THSD4: variants seen among roughly 807,000 people sequenced by gnomAD.
THSD4 encodes thrombospondin type 1 domain containing 4.
In THSD4, 69 loss-of-function variants were observed where a neutral mutation model predicts 119.0. The ratio of observed to expected loss-of-function variants is 0.58; its 90% CI spans 0.48 to 0.71. THSD4 has a LOEUF of 0.71. THSD4 is among the 30% of genes least tolerant of loss of function. The pLI is 0.00. For synonymous variants in THSD4, 524 were observed against 540.4 expected, an observed-to-expected ratio of 0.97 and a Z score of 0.42; for missense variants, 1,393 against 1,391.1, an observed-to-expected ratio of 1.00 and a Z score of -0.02.
chr15:71,188,356 T>C (rs2043633739), intron 3 of THSD4, among the ~76,000 whole-genome samples: 2 of 152,028 alleles, frequency 1.3e-5, no homozygotes, highest in Non-Finnish European at 2.9e-5. Flanking sequence ...AAGGGTCACC[T>C]AGATGGAGCT....
intron 3 of THSD4, among the ~76,000 whole-genome samples, chr15:71,213,356 T>C (rs2043903051): frequency 6.6e-6 from 1 of 152,246 alleles, no homozygotes; most frequent in Non-Finnish European, 1.5e-5. Flanking sequence ...AGATGAGCTA[T>C]GTAATCTGGC....
chr15:71,610,513 T>A (rs1354489109), intron 7 of THSD4, among the ~76,000 whole-genome samples: 2 of 152,158 alleles, frequency 1.3e-5, no homozygotes, highest in Admixed American at 6.5e-5. Context: ...GGGACTGCCC[T>A]TTCAGAAACA....
intron 7 of THSD4, among the ~76,000 whole-genome samples, chr15:71,439,008 C>T (rs1404329604): frequency 6.6e-6 from 1 of 152,116 alleles, no homozygotes; most frequent in African/African-American, 2.4e-5. Flanking sequence ...CCACGGTAGG[C>T]CAGATCAAGA....
At chr15:71,550,641 T>C (rs931890946) in intron 7 of THSD4, among the ~76,000 whole-genome samples, 5 of 152,102 alleles carry the variant, frequency 3.3e-5, no homozygotes, top group Admixed American at 3.3e-4. Context: ...GGGGTTTCAC[T>C]GTGTTAGCCA....
At chr15:71,130,056 T>C (rs548551215) in intron 1 of THSD4, among the ~76,000 whole-genome samples, 1 of 152,286 alleles carries the variant, frequency 6.6e-6, no homozygotes, top group South Asian at 2.1e-4. Flanking sequence ...GAGCACAACC[T>C]CACACCCTAC....
chr15:71,566,148 CTTTTTT>C (rs1567040065), intron 7 of THSD4, among the ~76,000 whole-genome samples: 3 of 45,328 alleles, frequency 6.6e-5, no homozygotes, highest in African/African-American at 1.8e-4. Flanking sequence ...TTTTCTTTTT[CTTTTTT>C]TCTTTTTTTT....
intron 7 of THSD4, among the ~76,000 whole-genome samples, chr15:71,448,357 G>A (rs984775880): frequency 2.6e-5 from 4 of 152,124 alleles, no homozygotes; most frequent in African/African-American, 4.8e-5. Flanking sequence ...GGAAACAACC[G>A]GTCCTTATCT....
chr15:71,436,606 T>C (rs1264173171), intron 7 of THSD4, among the ~76,000 whole-genome samples: 3 of 152,208 alleles, frequency 2.0e-5, no homozygotes, highest in Admixed American at 6.5e-5. Flanking sequence ...GCACCTCATC[T>C]GTAGGGACCA....
chr15:71,610,681 A>C (rs2050206418), intron 7 of THSD4, among the ~76,000 whole-genome samples: 1 of 152,198 alleles, frequency 6.6e-6, no homozygotes, highest in African/African-American at 2.4e-5. Context: ...ATACATACAT[A>C]CATATTTACT....
chr15:71,249,411 C>CATATAT lies in THSD4; in HGVS notation c.912+6327_912+6332dup, dbSNP rs371956679. ...TAGAAAGTTGTTCTCTTATTGACTT[C>CATATAT]ATATATATATATATATACACACACA... On this transcript the variant is annotated intron_variant, in intron 5 of 17. Coordinates refer to ENST00000261862, the MANE Select transcript of THSD4 (RefSeq NM_024817.3). Among the ~76,000 whole-genome samples the CATATAT allele has an allele frequency of 6.3e-3, 747 of 118,102 alleles. 21 individuals carry two copies. The highest frequency in any genetic ancestry group is 8.4e-3 in the Non-Finnish European group (467 of 55,302). The allele number at this position is 118,102 out of a possible 152,430, so 77.5% of individuals were successfully genotyped here. A position where few individuals can be genotyped will look rare whatever the true frequency, so the allele number is the denominator to read the frequency against.
At chr15:71,587,787 TAAAA>T (rs1207231444) in intron 7 of THSD4, among the ~76,000 whole-genome samples, 1 of 105,554 alleles carries the variant, frequency 9.5e-6, no homozygotes, top group Non-Finnish European at 1.9e-5. Flanking sequence ...AAAAAAAAAT[TAAAA>T]AAAAAAAAGA....
In THSD4 at chr15:71,141,564, A is replaced by G; in HGVS notation, c.29+8A>G. ...TTTCATGGGGTCTCTCAGGTAAGTG[A>G]AGAAACTTTTTTTAAAAAAACAGGA... On this transcript the variant is annotated splice_region_variant and intron_variant, in intron 2 of 17. Transcript: ENST00000261862. The G allele has an allele frequency of 6.2e-7, 1 of 1,606,314 alleles. No homozygotes were observed. Among genetic ancestry groups the G allele is most frequent in the South Asian group, 1.1e-5 (1 of 88,920 alleles).
chr15:71,119,319 A>T (rs1404280053), intron 1 of THSD4, among the ~76,000 whole-genome samples: 1 of 152,212 alleles, frequency 6.6e-6, no homozygotes, highest in Non-Finnish European at 1.5e-5. Flanking sequence ...GGGTGGAAGC[A>T]GGGCTCGAGA....
Position 71,181,214 on chromosome 15 carries a change from G to T in THSD4, c.99+26282G>T, listed in dbSNP as rs545669924. Among the ~76,000 whole-genome samples, 163 of 152,264 alleles carry T rather than the reference G, an allele frequency of 1.1e-3. 1 individual carries two copies. The highest frequency in any genetic ancestry group is 3.8e-3 in the African/African-American group (156 of 41,538). On this transcript the variant is annotated intron_variant, in intron 3 of 17. Transcript: ENST00000261862. ...CGTTTCTAATGGCATAAATATAACT[G>T]ACTGCTGCTGAAAAATTAAGAGCAT...
intron 7 of THSD4, among the ~76,000 whole-genome samples, chr15:71,511,367 G>C (rs891375554): frequency 6.6e-6 from 1 of 152,206 alleles, no homozygotes; most frequent in Non-Finnish European, 1.5e-5. Context: ...TGCTACAGCT[G>C]AAGTGGGGAA....
intron 15 of THSD4, among the ~76,000 whole-genome samples, chr15:71,764,541 G>A (rs1166271143): frequency 6.6e-6 from 1 of 152,226 alleles, no homozygotes; most frequent in Non-Finnish European, 1.5e-5. Flanking sequence ...CCAAGTCTTA[G>A]GTCTTCTCCT....
chr15:71,496,539 C>T (rs2048020503), intron 7 of THSD4, among the ~76,000 whole-genome samples: 1 of 152,170 alleles, frequency 6.6e-6, no homozygotes, highest in Non-Finnish European at 1.5e-5. Context: ...TCAACAGAAC[C>T]ACATTCCAGG....
chr15:71,245,099 A>C (rs1449669371), intron 5 of THSD4, among the ~76,000 whole-genome samples: 1 of 152,188 alleles, frequency 6.6e-6, no homozygotes, highest in African/African-American at 2.4e-5. Context: ...AAGGAATCCC[A>C]GGAAATTCTC....
intron 13 of THSD4, among the ~76,000 whole-genome samples, chr15:71,747,572 C>A (rs565146164): frequency 6.6e-6 from 1 of 152,172 alleles, no homozygotes; most frequent in African/African-American, 2.4e-5. Flanking sequence ...GGAGAGGAGA[C>A]GGGGACCCCT....
Sources: gnomAD v4.1 joint callset for allele counts (sites outside exome capture counted in the v4.1 genomes callset) on GRCh38, gnomAD v4.1.1 for gene constraint, MANE v1.5 for transcripts, NCBI Gene and HGNC (gene_info 2026-07-23, HGNC 2026-07-21) for gene names.